Variants in TSHZ2 observed in about 807,000 individuals in gnomAD.
TSHZ2 encodes the protein teashirt zinc finger homeobox 2, also known as teashirt homolog 2.
A neutral mutation model predicts 74.4 loss-of-function variants in TSHZ2; 21 were observed. The ratio of observed to expected loss-of-function variants is 0.28; its 90% CI spans 0.20 to 0.41. The LOEUF is 0.41. Among genes scored for constraint, TSHZ2 ranks in the 10% least tolerant of loss-of-function variants. The probability of loss-of-function intolerance (pLI) is 1.00; values close to 1 mark genes in which losing one functional copy is unlikely to be tolerated. For missense variants in TSHZ2, 1,244 were observed against 1,293.5 expected (o/e 0.96, Z 0.59); for synonymous variants, 540 against 515.3 (o/e 1.05, Z -0.65).
intron 2 of TSHZ2, among the ~76,000 whole-genome samples, chr20:53,429,873 C>T (rs772552937): frequency 6.6e-5 from 10 of 151,896 alleles, no homozygotes; most frequent in South Asian, 6.2e-4. Context: ...GCACTACTGA[C>T]GTTGTGAGTT....
intron 1 of TSHZ2, among the ~76,000 whole-genome samples, chr20:53,041,728 G>A (rs933330412): frequency 2.0e-5 from 3 of 152,234 alleles, no homozygotes; most frequent in African/African-American, 7.2e-5. Flanking sequence ...AAAGTATGCA[G>A]CTGGTAAGTG....
At chr20:53,061,371 A>G (rs1044851693) in intron 1 of TSHZ2, among the ~76,000 whole-genome samples, 5 of 152,286 alleles carry the variant, frequency 3.3e-5, no homozygotes, top group Non-Finnish European at 5.9e-5. Context: ...ACCCAAATGC[A>G]TTTGAACTTC....
At chr20:53,234,391 C>T (rs1989892938) in intron 1 of TSHZ2, among the ~76,000 whole-genome samples, 1 of 152,166 alleles carries the variant, frequency 6.6e-6, no homozygotes, top group African/African-American at 2.4e-5. Context: ...TGCCTCCATA[C>T]AGCATCAAGC....
At chr20:53,316,398 G>A (rs1979018856) in intron 2 of TSHZ2, among the ~76,000 whole-genome samples, 1 of 151,908 alleles carries the variant, frequency 6.6e-6, no homozygotes, top group Non-Finnish European at 1.5e-5. Context: ...CCTCAGCGTA[G>A]TAGGGGGTTG....
At position 53,077,757 on chromosome 20, in the gene TSHZ2, C is replaced by T. The variant is rs573634898; in HGVS notation, c.40+104424C>T. Among the ~76,000 whole-genome samples, 11 of 152,300 alleles carry T rather than the reference C, an allele frequency of 7.2e-5. No individual in the cohort carries two copies. In the South Asian group the frequency reaches 1.2e-3, roughly 17 times the overall value. On this transcript the variant is annotated intron_variant, in intron 1 of 2. Coordinates refer to ENST00000371497, the MANE Select transcript of TSHZ2 (RefSeq NM_173485.6). Reference sequence around the variant, plus strand: ...TGGCAATTAATAGATCATTCGTTATCGCTGAAAAGGAGGTTGGTGACTAAT... The same window carrying T: ...TGGCAATTAATAGATCATTCGTTATTGCTGAAAAGGAGGTTGGTGACTAAT...
intron 1 of TSHZ2, among the ~76,000 whole-genome samples, chr20:53,181,213 C>G (rs1988459537): frequency 6.6e-6 from 1 of 152,192 alleles, no homozygotes; most frequent in Non-Finnish European, 1.5e-5. Context: ...TAGCTCCAGT[C>G]ACTCTCTGAA....
At chr20:53,132,487 C>T (rs1600705404) in intron 1 of TSHZ2, among the ~76,000 whole-genome samples, 1 of 152,154 alleles carries the variant, frequency 6.6e-6, no homozygotes, top group East Asian at 1.9e-4. Flanking sequence ...CCTATGTTGG[C>T]CAGGCTGGTC....
In TSHZ2 at chr20:53,382,090, G is replaced by GC. The variant is rs573766763; in HGVS notation, c.*9-105050dup. Among the ~76,000 whole-genome samples, 255 of 152,234 alleles carry GC rather than the reference G, an allele frequency of 1.7e-3. 1 individual carries two copies. Among genetic ancestry groups the GC allele is most frequent in the African/African-American group, 5.8e-3 (239 of 41,546 alleles). Reference sequence around the variant, plus strand: ...AGTGCTGCAAGCATGGGTCTCCTTTGCCCCTCAAACTTACCTGCGGAATCT... The same window carrying GC: ...AGTGCTGCAAGCATGGGTCTCCTTTGCCCCCTCAAACTTACCTGCGGAATCT... On this transcript the variant is annotated intron_variant, in intron 2 of 2. Transcript: ENST00000371497.
At chr20:53,362,473 C>T (rs1046269138) in intron 2 of TSHZ2, among the ~76,000 whole-genome samples, 1 of 152,172 alleles carries the variant, frequency 6.6e-6, no homozygotes, top group Non-Finnish European at 1.5e-5. Flanking sequence ...CCTGAGCCAC[C>T]GTGCCCGGCC....
chr20:53,383,546 G>A (rs1452250165), intron 2 of TSHZ2, among the ~76,000 whole-genome samples: 1 of 152,076 alleles, frequency 6.6e-6, no homozygotes, highest in Non-Finnish European at 1.5e-5. Context: ...GATCACTTGA[G>A]GCCATGAAAT....
At chr20:53,204,552 T>C (rs1227180573) in intron 1 of TSHZ2, among the ~76,000 whole-genome samples, 1 of 152,102 alleles carries the variant, frequency 6.6e-6, no homozygotes, top group Non-Finnish European at 1.5e-5. Flanking sequence ...ATTCCATGCA[T>C]AGCTGACATT....
At chr20:53,171,776 G>C (rs6022317) in intron 1 of TSHZ2, among the ~76,000 whole-genome samples, 5,490 of 152,092 alleles carry the variant, frequency 0.036, 348 homozygotes, top group African/African-American at 0.12. Flanking sequence ...GGTTGACTTT[G>C]ATATGGAAAG....
At chr20:53,175,532 C>G (rs867132517) in intron 1 of TSHZ2, among the ~76,000 whole-genome samples, 5 of 151,130 alleles carry the variant, frequency 3.3e-5, no homozygotes, top group Non-Finnish European at 7.4e-5. Context: ...CTTATATCAA[C>G]GGCTTTCTTC....
chr20:53,215,474 T>A (rs2426462), intron 1 of TSHZ2, among the ~76,000 whole-genome samples: 33,230 of 150,630 alleles, frequency 0.22, 4,549 homozygotes, highest in Admixed American at 0.37. Context: ...TTTCCAGAGC[T>A]CCTTCAGCTA....
chr20:53,229,710 G>T (rs1989774004), intron 1 of TSHZ2, among the ~76,000 whole-genome samples: 1 of 151,586 alleles, frequency 6.6e-6, no homozygotes, highest in Non-Finnish European at 1.5e-5. Flanking sequence ...TTTCAACCTG[G>T]CAATTGGGAG....
intron 1 of TSHZ2, among the ~76,000 whole-genome samples, chr20:53,251,330 C>T (rs1479159734): frequency 6.6e-6 from 1 of 152,174 alleles, no homozygotes; most frequent in African/African-American, 2.4e-5. Flanking sequence ...GGCTCAGTAA[C>T]AACTTATTTT....
Position 53,260,476 on chromosome 20 carries a change from A to T in TSHZ2, c.*8+3905A>T, listed in dbSNP as rs567713581. Among the ~76,000 whole-genome samples, 19 of 152,272 alleles carry T rather than the reference A, an allele frequency of 1.2e-4. 1 individual carries two copies. The South Asian group carries it at 3.9e-3, about 32-fold the overall frequency. ...TAACCAGGACAAGAGTCTGCCTTTG[A>T]GGCTAGTGGCAGACAAATAGATGAA... On this transcript the variant is annotated intron_variant, in intron 2 of 2. Transcript: ENST00000371497.
At chr20:52,986,121 G>T (rs1465678336) in intron 1 of TSHZ2, among the ~76,000 whole-genome samples, 1 of 152,188 alleles carries the variant, frequency 6.6e-6, no homozygotes, top group East Asian at 1.9e-4. Context: ...GCCGGGCACA[G>T]TGGCTCACGC....
chr20:53,425,202 C>T (rs891974461), intron 2 of TSHZ2, among the ~76,000 whole-genome samples: 4 of 152,198 alleles, frequency 2.6e-5, no homozygotes, highest in African/African-American at 9.7e-5. Flanking sequence ...ACTTCTCTCA[C>T]TTGGGTTCCA....
Sources: gnomAD v4.1 joint callset for allele counts (sites outside exome capture counted in the v4.1 genomes callset) on GRCh38, gnomAD v4.1.1 for gene constraint, MANE v1.5 for transcripts, NCBI Gene and HGNC (gene_info 2026-07-23, HGNC 2026-07-21) for gene names.